The following HIP1 variants were observed in gnomAD, a reference collection of about 807,000 sequenced individuals.
The protein encoded by HIP1 is huntingtin-interacting protein 1.
HIP1 carries 65 observed loss-of-function variants against 147.6 expected under a neutral mutation model. The observed-to-expected ratio is 0.44, with a 90% CI of 0.36 to 0.54. The LOEUF (loss-of-function observed/expected upper bound fraction) is 0.54, where lower values mean the gene tolerates loss of function less well. Among genes scored for constraint, HIP1 ranks in the 20% least tolerant of loss-of-function variants. The probability of loss-of-function intolerance (pLI) is 0.00; values close to 1 mark genes in which losing one functional copy is unlikely to be tolerated. For missense variants in HIP1, 1,061 were observed against 1,299.6 expected (o/e 0.82, Z 2.82); for synonymous variants, 479 against 504.0 (o/e 0.95, Z 0.67).
At chr7:75,578,736 AC>A (rs781971182) in intron 7 of HIP1, among the ~76,000 whole-genome samples, 11 of 152,198 alleles carry the variant, frequency 7.2e-5, no homozygotes, top group Non-Finnish European at 1.2e-4. Context: ...TTATCCACAT[AC>A]GTTGTTCCCA....
At chr7:75,566,482 A>G (rs1554495509) in intron 9 of HIP1, among the ~76,000 whole-genome samples, 1 of 151,524 alleles carries the variant, frequency 6.6e-6, no homozygotes, top group Non-Finnish European at 1.5e-5. Flanking sequence ...ATTATGCAGA[A>G]ATTTCTAGAA....
At position 75,562,953 on chromosome 7, in the gene HIP1, G is replaced by A. The variant is rs200331736; in HGVS notation, c.1002C>T (p.Asp334=). The part of the protein sequence containing the change: ...EPVLEKDDLM[D]MDASQQNLFD... Reference sequence around the variant, plus strand: ...TCCTCACCTGCTGAGAGGCATCCATGTCCATGAGGTCATCCTTCTCTAGGA... The same window carrying A: ...TCCTCACCTGCTGAGAGGCATCCATATCCATGAGGTCATCCTTCTCTAGGA... The change falls in exon 11 of 31, where the codon GAC becomes GAT. Residue 334 remains aspartate (D), a synonymous_variant. Transcript: ENST00000336926. 122 of 1,614,186 alleles carry A rather than the reference G, an allele frequency of 7.6e-5. No individual in the cohort carries two copies. Among genetic ancestry groups the A allele is most frequent in the Non-Finnish European group, 1.0e-4 (121 of 1,180,026 alleles).
At chr7:75,580,036 A>T (rs587707070) in intron 7 of HIP1, among the ~76,000 whole-genome samples, 162 of 152,262 alleles carry the variant, frequency 1.1e-3, no homozygotes, top group Non-Finnish European at 1.7e-3. Context: ...GGGAAGCATT[A>T]GGGGCTGATG....
intron 1 of HIP1, chr7:75,611,542 C>T (rs1381828839): frequency 3.7e-5 from 11 of 296,218 alleles, no homozygotes; most frequent in Non-Finnish European, 5.8e-5. Flanking sequence ...CTCCCTTCCC[C>T]TCCCGGCCCC....
intron 2 of HIP1, among the ~76,000 whole-genome samples, chr7:75,596,316 ACATTTATTCAC>A (rs587665790): frequency 1.3e-5 from 2 of 151,646 alleles, no homozygotes; most frequent in South Asian, 4.2e-4. Context: ...TGATTTTTCA[ACATTTATTCAC>A]CATTTAGAAA....
intron 2 of HIP1, among the ~76,000 whole-genome samples, chr7:75,597,182 T>C (rs782507491): frequency 6.6e-6 from 1 of 152,188 alleles, no homozygotes; most frequent in Non-Finnish European, 1.5e-5. Flanking sequence ...CCAGAGAGGT[T>C]CTGCAGCCGC....
At chr7:75,595,251 T>TCTTTCTTTCTTTTTCTTCCTTC (rs1491144475) in intron 2 of HIP1, among the ~76,000 whole-genome samples, 1 of 59,504 alleles carries the variant, frequency 1.7e-5, no homozygotes, top group Non-Finnish European at 3.1e-5. Context: ...TTTCTTTCTT[T>TCTTTCTTTCTTTTTCTTCCTTC]CTTCCTTCCT....
chr7:75,539,095 G>A (rs1794200115), intron 30 of HIP1, among the ~76,000 whole-genome samples: 1 of 152,164 alleles, frequency 6.6e-6, no homozygotes, highest in African/African-American at 2.4e-5. Flanking sequence ...CAATGTTTAG[G>A]TCTTAAAAGG....
At chr7:75,595,294 T>TTTTCTCTCTTTCTTTCTC (rs1796695866) in intron 2 of HIP1, among the ~76,000 whole-genome samples, 1 of 144,468 alleles carries the variant, frequency 6.9e-6, no homozygotes, top group African/African-American at 2.6e-5. Flanking sequence ...CTTTCTTTCT[T>TTTTCTCTCTTTCTTTCTC]TCTCTCTCTC....
In HIP1 at chr7:75,554,486, G is replaced by C; in HGVS notation, c.2004C>G (p.Ile668Met). ...GGCTCCAGCTTTTCTCCAGTTGCTCGATGCAGCTGGAAATGGATGTGACCG... is the reference window on the plus strand; with the variant it reads ...GGCTCCAGCTTTTCTCCAGTTGCTCCATGCAGCTGGAAATGGATGTGACCG... ...LSTVTSISSC[I>M]EQLEKSWSQY... The change falls in exon 20 of 31, where the codon ATC becomes ATG. Residue 668 changes from isoleucine (I) to methionine (M), a missense_variant. Physicochemically the swap from Ile to Met is conservative, Grantham distance 10 (BLOSUM62 1). This residue lies in a region of HIP1 where 810 missense variants were observed against 946.8 expected (regional missense o/e 0.86). Coordinates refer to ENST00000336926, the MANE Select transcript of HIP1 (RefSeq NM_005338.7). 6.2e-7 allele frequency: 1 copy of C among 1,613,836 alleles called. No individual in the cohort carries two copies. Among genetic ancestry groups the C allele is most frequent in the Non-Finnish European group, 8.5e-7 (1 of 1,179,888 alleles).
chr7:75,664,042 ATATATGTG>A, intron 1 of HIP1, among the ~76,000 whole-genome samples: 2 of 27,400 alleles, frequency 7.3e-5, no homozygotes, highest in Admixed American at 4.5e-4. Context: ...ATATATACAC[ATATATGTG>A]TATATACACA....
At position 75,602,494 on chromosome 7, in the gene HIP1, C is replaced by CT. The variant is rs60265858; in HGVS notation, c.121-3248dup. Among the ~76,000 whole-genome samples, 475 of 71,502 alleles carry CT rather than the reference C, an allele frequency of 6.6e-3. 51 individuals carry two copies. Among genetic ancestry groups the CT allele is most frequent in the African/African-American group, 0.024 (311 of 13,222 alleles). 46.9% of individuals were successfully genotyped at this position (71,502 alleles called of 152,430 possible). On this transcript the variant is annotated intron_variant, in intron 1 of 30. Coordinates refer to ENST00000336926, the MANE Select transcript of HIP1 (RefSeq NM_005338.7). ...GTTTTTCTAAATTCTCAGATATGCT[C>CT]TTTTTTTTTTTTTTTTTTTTTTTTT...
intron 1 of HIP1, among the ~76,000 whole-genome samples, chr7:75,644,021 A>C (rs1436230268): frequency 4.0e-5 from 6 of 151,684 alleles, no homozygotes; most frequent in Non-Finnish European, 8.8e-5. Flanking sequence ...CAAACAAACA[A>C]AACCAAAACA....
intron 5 of HIP1, among the ~76,000 whole-genome samples, chr7:75,583,570 A>G (rs237235): frequency 0.41 from 61,944 of 151,720 alleles, 15,205 homozygotes; most frequent in African/African-American, 0.7. Flanking sequence ...GGAGGGGGAA[A>G]CCAGCTCTCT....
At chr7:75,558,754 CA>C (rs1246820188) in intron 14 of HIP1, among the ~76,000 whole-genome samples, 1 of 152,200 alleles carries the variant, frequency 6.6e-6, no homozygotes, top group Non-Finnish European at 1.5e-5. Context: ...CGAGGTGGCT[CA>C]TGCCTATAAT....
At chr7:75,622,041 T>C (rs1797861322) in intron 1 of HIP1, among the ~76,000 whole-genome samples, 1 of 152,060 alleles carries the variant, frequency 6.6e-6, no homozygotes, top group Non-Finnish European at 1.5e-5. Context: ...CCCAGCACTT[T>C]GGGAGGCCGA....
rs782221059 is a variant in HIP1, at chr7:75,554,103, C to G, written c.2158+10G>C. The G allele has an allele frequency of 6.2e-7, 1 of 1,607,282 alleles. No individual in the cohort carries two copies. Reference sequence around the variant, plus strand: ...GGTCCATGAACAGCCCCTCATGCCCCGGTACTCACAGTCGGCAGGCTCAGG... The same window carrying G: ...GGTCCATGAACAGCCCCTCATGCCCGGGTACTCACAGTCGGCAGGCTCAGG... On this transcript the variant is annotated intron_variant, in intron 21 of 30. Transcript: ENST00000336926.
chr7:75,717,058 A>G (rs529151074), intron 1 of HIP1, among the ~76,000 whole-genome samples: 3 of 151,850 alleles, frequency 2.0e-5, no homozygotes, highest in African/African-American at 7.2e-5. Flanking sequence ...GGCTCAAGCA[A>G]TCCTCTCGCC....
chr7:75,695,944 C>T (rs1800621519), intron 1 of HIP1, among the ~76,000 whole-genome samples: 1 of 151,840 alleles, frequency 6.6e-6, no homozygotes, highest in Non-Finnish European at 1.5e-5. Flanking sequence ...ATGATGTCTC[C>T]CAGTTCAAGT....
Sources: allele counts gnomAD v4.1 joint callset (sites outside exome capture counted in the v4.1 genomes callset), GRCh38; gene constraint gnomAD v4.1.1; regional missense constraint gnomAD v4.1.1; transcripts MANE v1.5; gene names NCBI Gene and HGNC (gene_info 2026-07-23, HGNC 2026-07-21).